Variants in HMGB1 observed in about 807,000 individuals in gnomAD.
HMGB1 encodes high mobility group box 1.
For synonymous variants in HMGB1, 81 were observed against 84.0 expected (o/e 0.96, Z 0.19); for missense variants, 79 against 253.5 (o/e 0.31, Z 4.67).
At chr13:30,608,305 C>G (rs1566039385) in intron 1 of HMGB1, among the ~76,000 whole-genome samples, 1 of 151,916 alleles carries the variant, frequency 6.6e-6, no homozygotes, top group Admixed American at 6.6e-5. Flanking sequence ...TGTTACATAA[C>G]AAAATATAAC....
intron 1 of HMGB1, among the ~76,000 whole-genome samples, chr13:30,555,507 T>G (rs1869649776): frequency 1.3e-5 from 2 of 152,210 alleles, no homozygotes; most frequent in Admixed American, 6.5e-5. Flanking sequence ...GTCCCATCAG[T>G]TTCCTGGGAT....
rs112308454 is a variant in HMGB1 at position 30,549,425 on chromosome 13, G to A, written c.-15+67246C>T. On this transcript the variant is annotated intron_variant, in intron 1 of 4. Coordinates refer to the HMGB1 transcript ENST00000405805. ...TTCAGAGTAATAAACAGATTCTCAC[G>A]CTGTTGCCCAGGCTGAGAGCAGTAC... is the stretch of plus-strand genomic sequence containing the variant. 1.4e-3 allele frequency among the ~76,000 whole-genome samples: 210 copies of A among 152,228 alleles called. 2 individuals are homozygous for A. The highest frequency in any genetic ancestry group is 2.6e-3 in the Non-Finnish European group (175 of 68,018).
intron 1 of HMGB1, among the ~76,000 whole-genome samples, chr13:30,531,521 T>C (rs1888494564): frequency 6.7e-6 from 1 of 149,478 alleles, no homozygotes; most frequent in South Asian, 2.1e-4. Flanking sequence ...TGTGTGTGTG[T>C]GTGTGTGTGT....
rs531680147 is a variant in HMGB1 at position 30,456,765 on chromosome 13, G to T, written c.*4592C>A. Reference sequence around the variant, plus strand: ...TAAATAACAGCTTTTGTGGGCGGGGGGGGGGGGTGGTGGGGTGCAATTTAT... The same window carrying T: ...TAAATAACAGCTTTTGTGGGCGGGGTGGGGGGGTGGTGGGGTGCAATTTAT... On this transcript the variant is annotated 3_prime_UTR_variant, in exon 5 of 5. Coordinates refer to ENST00000341423, the MANE Select transcript of HMGB1 (RefSeq NM_002128.7). 1 of 106,838 alleles carries T rather than the reference G, an allele frequency of 9.4e-6. No homozygotes were observed. The highest frequency in any genetic ancestry group is 1.9e-5 in the Non-Finnish European group (1 of 51,654). The allele number at this position is 106,838 out of a possible 1,614,324, so 6.6% of individuals were successfully genotyped here.
At chr13:30,506,654 T>G (rs17074675) in intron 1 of HMGB1, among the ~76,000 whole-genome samples, 9,972 of 152,232 alleles carry the variant, frequency 0.066, 422 homozygotes, top group Middle Eastern at 0.12. Context: ...ACACTCGAGC[T>G]GCCCCTCTCA....
chr13:30,522,364 A>G (rs7332314), intron 1 of HMGB1, among the ~76,000 whole-genome samples: 102,566 of 151,918 alleles, frequency 0.68, 35,085 homozygotes, highest in Non-Finnish European at 0.74. Context: ...TCAGCCTCTT[A>G]AAGTGTTGGG....
At chr13:30,578,368 C>CTTTTTTTTTTTTTTTTTT (rs60947686) in intron 1 of HMGB1, among the ~76,000 whole-genome samples, 6 of 59,324 alleles carry the variant, frequency 1.0e-4, no homozygotes, top group East Asian at 6.3e-4. Flanking sequence ...AGTTCTTGTT[C>CTTTTTTTTTTTTTTTTTT]TTTTTTTTTT....
intron 1 of HMGB1, among the ~76,000 whole-genome samples, chr13:30,515,496 G>A (rs988747680): frequency 1.3e-5 from 2 of 152,094 alleles, no homozygotes; most frequent in Non-Finnish European, 1.5e-5. Context: ...TGAACAAAAC[G>A]TAATTTAACA....
intron 1 of HMGB1, among the ~76,000 whole-genome samples, chr13:30,493,758 C>T (rs187664323): frequency 6.6e-6 from 1 of 152,148 alleles, no homozygotes; most frequent in Admixed American, 6.5e-5. Context: ...GATCACACCA[C>T]AGCACTCCAG....
intron 1 of HMGB1, among the ~76,000 whole-genome samples, chr13:30,591,707 GC>G (rs1411076499): frequency 1.3e-5 from 2 of 151,954 alleles, no homozygotes; most frequent in Admixed American, 1.3e-4. Context: ...TTGCCATGTT[GC>G]CCAGGCTGGT....
At chr13:30,465,053 G>C in intron 1 of HMGB1, 1 of 607,732 alleles carries the variant, frequency 1.6e-6, no homozygotes, top group Non-Finnish European at 2.0e-6. Context: ...TGTGAAAAGA[G>C]AGAGGAAAAA....
intron 1 of HMGB1, among the ~76,000 whole-genome samples, chr13:30,610,099 CTTT>C (rs535494521): frequency 2.0e-5 from 3 of 151,796 alleles, no homozygotes; most frequent in Admixed American, 6.6e-5. Flanking sequence ...TTCTTAGTAA[CTTT>C]TTTTCTCTAA....
intron 1 of HMGB1, among the ~76,000 whole-genome samples, chr13:30,524,732 T>C (rs771761931): frequency 1.3e-5 from 2 of 151,804 alleles, no homozygotes; most frequent in African/African-American, 2.4e-5. Flanking sequence ...AATAATTTGG[T>C]GAAATTCTTC....
chr13:30,586,687 T>C (rs1871169678), intron 1 of HMGB1, among the ~76,000 whole-genome samples: 1 of 152,032 alleles, frequency 6.6e-6, no homozygotes, highest in South Asian at 2.1e-4. Flanking sequence ...GGTTTCACCA[T>C]GTGTCCAGGC....
chr13:30,492,293 C>T (rs1361039753), intron 1 of HMGB1, among the ~76,000 whole-genome samples: 1 of 151,508 alleles, frequency 6.6e-6, no homozygotes. Flanking sequence ...AGTTTGAGAA[C>T]AGCCTGGGCA....
At chr13:30,537,697 A>ATATATATATATATATATAT (rs71093077) in intron 1 of HMGB1, among the ~76,000 whole-genome samples, 1 of 125,034 alleles carries the variant, frequency 8.0e-6, no homozygotes, top group African/African-American at 3.0e-5. Context: ...ATATATATAT[A>ATATATATATATATATATAT]AAATTGATGT....
intron 1 of HMGB1, among the ~76,000 whole-genome samples, chr13:30,571,292 G>GC (rs1405884229): frequency 2.2e-5 from 3 of 135,502 alleles, no homozygotes; most frequent in African/African-American, 8.1e-5. Flanking sequence ...CAAAAAAATG[G>GC]TTTTTTTTTT....
rs181389142 is a variant in HMGB1, at chr13:30,506,474, T to C, written c.-14-42780A>G. On this transcript the variant is annotated intron_variant, in intron 1 of 4. Transcript: ENST00000405805. Reference sequence around the variant, plus strand: ...CCCTTCTCTATCACTGACCCCTCTGTACCCCAGCCTGTAGTCCCATCTGCC... The same window carrying C: ...CCCTTCTCTATCACTGACCCCTCTGCACCCCAGCCTGTAGTCCCATCTGCC... 1.6e-4 allele frequency among the ~76,000 whole-genome samples: 24 copies of C among 152,300 alleles called. No individual in the cohort carries two copies. In the East Asian group the frequency reaches 4.6e-3, roughly 29 times the overall value.
intron 1 of HMGB1, among the ~76,000 whole-genome samples, chr13:30,550,098 T>C (rs894113988): frequency 6.6e-6 from 1 of 152,198 alleles, no homozygotes; most frequent in Non-Finnish European, 1.5e-5. Flanking sequence ...CTCTGGAATA[T>C]GTGTATGTGT....
Sources: gnomAD v4.1 joint callset for allele counts (sites outside exome capture counted in the v4.1 genomes callset) on GRCh38, gnomAD v4.1.1 for gene constraint, MANE v1.5 for transcripts, NCBI Gene and HGNC (gene_info 2026-07-23, HGNC 2026-07-21) for gene names.